B3GALT1: variants seen among roughly 807,000 people sequenced by gnomAD.
B3GALT1 encodes UDP-Gal:betaGlcNAc beta 1,3-galactosyltransferase, polypeptide 1.
A neutral mutation model predicts 23.2 loss-of-function variants in B3GALT1; 10 were observed. The observed-to-expected ratio is 0.43, with a 90% CI of 0.27 to 0.73. The LOEUF (loss-of-function observed/expected upper bound fraction) is 0.73. Ranked by LOEUF, B3GALT1 falls within the 30% of genes least tolerant of loss-of-function variation. The pLI is 0.21. For synonymous variants in B3GALT1, 156 were observed against 141.5 expected (o/e 1.10, Z -0.73); for missense variants, 299 against 405.4 (o/e 0.74, Z 2.25).
chr2:167,325,577 A>T (rs956905221), intron 1 of B3GALT1, among the ~76,000 whole-genome samples: 1 of 152,058 alleles, frequency 6.6e-6, no homozygotes, highest in African/African-American at 2.4e-5. Flanking sequence ...CCCACCTCCA[A>T]CATCGGGGCT....
At chr2:167,656,607 A>G (rs1426993127) in intron 3 of B3GALT1, among the ~76,000 whole-genome samples, 2 of 152,160 alleles carry the variant, frequency 1.3e-5, no homozygotes, top group Admixed American at 6.6e-5. Flanking sequence ...TGTAATTGGA[A>G]AGAAAAAGGC....
chr2:167,437,582 C>T (rs1268252302), intron 1 of B3GALT1, among the ~76,000 whole-genome samples: 1 of 152,130 alleles, frequency 6.6e-6, no homozygotes, highest in Non-Finnish European at 1.5e-5. Flanking sequence ...TGTTCTCTGA[C>T]CTTGAGCTGA....
chr2:167,512,588 A>G (rs1700031308), intron 2 of B3GALT1, among the ~76,000 whole-genome samples: 1 of 90,394 alleles, frequency 1.1e-5, no homozygotes, highest in Non-Finnish European at 2.1e-5. Flanking sequence ...ATGTATATAT[A>G]TATGTGTATA....
At position 167,668,793 on chromosome 2, in the gene B3GALT1, C is replaced by T. The variant is rs528659941; in HGVS notation, c.-352+21827C>T. 1.1e-3 allele frequency among the ~76,000 whole-genome samples: 167 copies of T among 152,296 alleles called. 1 individual carries two copies. The highest frequency in any genetic ancestry group is 3.8e-3 in the African/African-American group (157 of 41,586). On this transcript the variant is annotated intron_variant, in intron 3 of 4. Coordinates refer to ENST00000392690, the MANE Select transcript of B3GALT1 (RefSeq NM_020981.4). ...GCGCTTCCCGAGTGAGGCAATGCCT[C>T]GCCCTGCTTCGGCTCGCGCACGGTG...
At chr2:167,391,474 T>C (rs1459044184) in intron 1 of B3GALT1, among the ~76,000 whole-genome samples, 1 of 152,192 alleles carries the variant, frequency 6.6e-6, no homozygotes, top group African/African-American at 2.4e-5. Flanking sequence ...CTTATATGAA[T>C]CATGGGAATA....
chr2:167,604,260 C>T (rs576464407), intron 2 of B3GALT1, among the ~76,000 whole-genome samples: 22 of 152,224 alleles, frequency 1.4e-4, no homozygotes, highest in African/African-American at 5.3e-4. Context: ...GATCATTGCT[C>T]AGCTGCCCCC....
intron 2 of B3GALT1, among the ~76,000 whole-genome samples, chr2:167,577,275 A>G (rs35560435): frequency 0.11 from 16,447 of 151,854 alleles, 1,913 homozygotes; most frequent in African/African-American, 0.29. Flanking sequence ...GCCTTAGTAC[A>G]TAAGACTTGT....
At chr2:167,495,349 T>G (rs911081601) in intron 2 of B3GALT1, among the ~76,000 whole-genome samples, 1 of 148,812 alleles carries the variant, frequency 6.7e-6, no homozygotes, top group East Asian at 2.0e-4. Context: ...TTTTTTTTTT[T>G]TGTGATGGAG....
At chr2:167,703,337 G>A (rs913148939) in intron 3 of B3GALT1, among the ~76,000 whole-genome samples, 1 of 152,176 alleles carries the variant, frequency 6.6e-6, no homozygotes, top group Admixed American at 6.5e-5. Context: ...ATGCCTAGAA[G>A]GTATGCAAGT....
At chr2:167,346,347 T>C (rs1697221198) in intron 1 of B3GALT1, among the ~76,000 whole-genome samples, 3 of 152,162 alleles carry the variant, frequency 2.0e-5, no homozygotes, top group African/African-American at 7.2e-5. Flanking sequence ...CATTTGCCTA[T>C]TGTATATCTA....
intron 2 of B3GALT1, among the ~76,000 whole-genome samples, chr2:167,580,185 C>A (rs757530914): frequency 6.6e-6 from 1 of 152,074 alleles, no homozygotes; most frequent in Non-Finnish European, 1.5e-5. Context: ...TATGCTTGGG[C>A]TCTTACTGAA....
At chr2:167,821,926 G>C (rs1365510380) in intron 4 of B3GALT1, among the ~76,000 whole-genome samples, 1 of 152,132 alleles carries the variant, frequency 6.6e-6, no homozygotes, top group African/African-American at 2.4e-5. Flanking sequence ...AGGAAAGTTG[G>C]GAAGGGGAAA....
chr2:167,415,185 G>C (rs772242811), intron 1 of B3GALT1, among the ~76,000 whole-genome samples: 1 of 152,160 alleles, frequency 6.6e-6, no homozygotes, highest in Non-Finnish European at 1.5e-5. Flanking sequence ...AGAAGTCATT[G>C]GGTCCTGAAA....
At chr2:167,673,250 A>G (rs1686364071) in intron 3 of B3GALT1, among the ~76,000 whole-genome samples, 1 of 152,142 alleles carries the variant, frequency 6.6e-6, no homozygotes, top group Non-Finnish European at 1.5e-5. Context: ...ATTAAAAAGC[A>G]GGTTTCTGAT....
chr2:167,435,163 A>T (rs902725663), intron 1 of B3GALT1, among the ~76,000 whole-genome samples: 1 of 152,056 alleles, frequency 6.6e-6, no homozygotes. Context: ...AAGACATTTT[A>T]AGAAAGATAC....
At chr2:167,706,534 A>C (rs56093877) in intron 3 of B3GALT1, among the ~76,000 whole-genome samples, 1 of 152,238 alleles carries the variant, frequency 6.6e-6, no homozygotes, top group South Asian at 2.1e-4. Flanking sequence ...ACAGCCTAAC[A>C]TACACACTCC....
rs1698071001 is a variant in B3GALT1, at chr2:167,394,818, G to T, written c.-510-95359G>T. Among the ~76,000 whole-genome samples the T allele has an allele frequency of 1.3e-5, 2 of 152,166 alleles. 1 individual carries two copies. Among genetic ancestry groups the T allele is most frequent in the South Asian group, 4.1e-4 (2 of 4,826 alleles). On this transcript the variant is annotated intron_variant, in intron 1 of 4. Transcript: ENST00000392690. The stretch of plus-strand genomic sequence containing the variant: ...ATTGAAACCTAATAGAGTTTGTCCA[G>T]TTGGAAGTGAAATTACTTAGAGCCA...
At chr2:167,717,644 G>GA (rs1687172808) in intron 3 of B3GALT1, among the ~76,000 whole-genome samples, 1 of 152,066 alleles carries the variant, frequency 6.6e-6, no homozygotes, top group African/African-American at 2.4e-5. Context: ...TATGATATTA[G>GA]AAAAACATAT....
At chr2:167,543,387 G>A (rs1355067374) in intron 2 of B3GALT1, among the ~76,000 whole-genome samples, 3 of 152,086 alleles carry the variant, frequency 2.0e-5, no homozygotes, top group African/African-American at 7.2e-5. Flanking sequence ...TCAGTGGATA[G>A]AATAAAGTAG....
Sources: gnomAD v4.1 joint callset for allele counts (sites outside exome capture counted in the v4.1 genomes callset) on GRCh38, gnomAD v4.1.1 for gene constraint, MANE v1.5 for transcripts, NCBI Gene and HGNC (gene_info 2026-07-23, HGNC 2026-07-21) for gene names.